The following ACCSL variants were observed in gnomAD, a reference collection of about 807,000 sequenced individuals.
ACCSL encodes 1-aminocyclopropane-1-carboxylate synthase homolog (inactive) like, also known as probable inactive 1-aminocyclopropane-1-carboxylate synthase-like protein 2.
A neutral mutation model predicts 61.7 loss-of-function variants in ACCSL; 55 were observed. That is an observed-to-expected ratio of 0.89 (90% CI 0.72 to 1.12). ACCSL has a LOEUF of 1.12. Among genes scored for constraint, ACCSL ranks in the 50% most tolerant of loss-of-function variants. ACCSL has a pLI of 0.00. For missense variants in ACCSL, 632 were observed against 698.0 expected (o/e 0.91, Z 1.07); for synonymous variants, 258 against 264.3 (o/e 0.98, Z 0.23).
the ACCSL span, among the ~76,000 whole-genome samples, chr11:43,992,009 T>C: frequency 0.26 from 39,215 of 150,708 alleles, 6,167 homozygotes; most frequent in South Asian, 0.36. Flanking sequence ...CCCATCTTTT[T>C]TTTTCTTTCT....
chr11:44,000,698 G>A, the ACCSL span, among the ~76,000 whole-genome samples: 1 of 146,388 alleles, frequency 6.8e-6, no homozygotes, highest in East Asian at 2.0e-4. Context: ...ACTCCAGCCT[G>A]TGTGATGGAG....
At chr11:44,030,137 C>CCT in the ACCSL span, among the ~76,000 whole-genome samples, 1 of 131,608 alleles carries the variant, frequency 7.6e-6, no homozygotes, top group Non-Finnish European at 1.5e-5. Flanking sequence ...TGGTGACCTG[C>CCT]CTCTCTCTTC....
the ACCSL span, chr11:43,943,326 G>T: frequency 2.1e-6 from 3 of 1,428,348 alleles, no homozygotes; most frequent in South Asian, 4.6e-5. This position sits in a 1 kb window ranked among gnomAD's most constrained non-coding sequence, Gnocchi z 4.8. Flanking sequence ...GCGGGGACCG[G>T]CGTGTGAACC....
chr11:43,995,496 G>A, the ACCSL span: 1 of 152,256 alleles, frequency 6.6e-6, no homozygotes, highest in East Asian at 1.9e-4. Context: ...GGCAAAGTGA[G>A]TGCAAATAGT....
At chr11:44,015,001 A>G in the ACCSL span, among the ~76,000 whole-genome samples, 1 of 152,206 alleles carries the variant, frequency 6.6e-6, no homozygotes, top group Non-Finnish European at 1.5e-5. Context: ...ATACACATGC[A>G]GGGGCACCCA....
chr11:44,036,475 C>G, the ACCSL span, among the ~76,000 whole-genome samples: 1 of 152,146 alleles, frequency 6.6e-6, no homozygotes, highest in African/African-American at 2.4e-5. Flanking sequence ...ACCCAGGGCC[C>G]AGTATTACAG....
chr11:44,030,446 C>T, the ACCSL span, among the ~76,000 whole-genome samples: 1 of 151,742 alleles, frequency 6.6e-6, no homozygotes, highest in Non-Finnish European at 1.5e-5. Context: ...CCGCCTGCTG[C>T]TTGGCTATTT....
At chr11:43,976,471 A>C in the ACCSL span, among the ~76,000 whole-genome samples, 7 of 152,322 alleles carry the variant, frequency 4.6e-5, no homozygotes, top group South Asian at 6.2e-4. Flanking sequence ...TCAAAGTCTA[A>C]GTATTTGTTA....
the ACCSL span, among the ~76,000 whole-genome samples, chr11:43,968,056 G>T: frequency 6.6e-6 from 1 of 152,128 alleles, no homozygotes; most frequent in Non-Finnish European, 1.5e-5. Context: ...ATTTGGCAAT[G>T]TCTGGAGACA....
the ACCSL span, among the ~76,000 whole-genome samples, chr11:44,029,994 AT>A: frequency 2.5e-5 from 2 of 78,598 alleles, no homozygotes; most frequent in African/African-American, 9.8e-5. Flanking sequence ...ATTTTATTTT[AT>A]TTTATTTTAT....
the ACCSL span, among the ~76,000 whole-genome samples, chr11:44,003,558 G>T: frequency 1.3e-5 from 2 of 151,398 alleles, no homozygotes; most frequent in Non-Finnish European, 2.9e-5. Context: ...CAGGTGAATC[G>T]CTTGAACCCA....
chr11:44,003,772 T>G, the ACCSL span, among the ~76,000 whole-genome samples: 1 of 152,234 alleles, frequency 6.6e-6, no homozygotes, highest in East Asian at 1.9e-4. Context: ...CTCTGACTTT[T>G]CGCACACTCT....
chr11:43,952,790 C>G, the ACCSL span, among the ~76,000 whole-genome samples: 989 of 152,302 alleles, frequency 6.5e-3, 11 homozygotes, highest in African/African-American at 0.022. Flanking sequence ...TTGTTTGCGG[C>G]CTGTCCTGCT....
Position 44,053,499 on chromosome 11 carries a change from G to T in ACCSL, c.1042G>T (p.Ala348Ser), listed in dbSNP as rs1316653004. ...CTCACTGATGAAATACCTGGAATTT[G>T]CCAAGAGGTATGAGTTCTACCCCTT... The part of the protein sequence containing the change: ...PDSLMKYLEF[A>S]KRYNLHVIID... Residue 348 changes from alanine (A) to serine (S), a missense_variant, in exon 8 of 14, where the codon GCC (alanine) becomes TCC (serine). Transcript: ENST00000378832. 1.9e-6 allele frequency: 3 copies of T among 1,613,684 alleles called. No homozygotes were observed. Among genetic ancestry groups the T allele is most frequent in the Non-Finnish European group, 2.5e-6 (3 of 1,179,730 alleles).
At chr11:44,001,819 GT>G in the ACCSL span, among the ~76,000 whole-genome samples, 31 of 128,600 alleles carry the variant, frequency 2.4e-4, 1 homozygote, top group African/African-American at 7.9e-4. Flanking sequence ...GTGTGTGTGT[GT>G]GTGTGTGTGT....
At chr11:44,030,519 C>T in the ACCSL span, among the ~76,000 whole-genome samples, 5 of 151,678 alleles carry the variant, frequency 3.3e-5, no homozygotes, top group South Asian at 2.1e-4. Flanking sequence ...CACAGGACTG[C>T]GTCCCTGTGG....
In ACCSL at chr11:44,048,009, T is replaced by C; in HGVS notation, c.-28T>C. 6.3e-7 allele frequency: 1 copy of C among 1,592,518 alleles called. No homozygotes were observed. Among genetic ancestry groups the C allele is most frequent in the Non-Finnish European group, 8.6e-7 (1 of 1,164,626 alleles). Reference sequence around the variant, plus strand: ...CTTTCTCCATAGGTGCCAGGCAGCCTTCAGAGGCCAGTAAAGATACCCGGA... The same window carrying C: ...CTTTCTCCATAGGTGCCAGGCAGCCCTCAGAGGCCAGTAAAGATACCCGGA... On this transcript the variant is annotated 5_prime_UTR_variant, in exon 1 of 14. Coordinates refer to ENST00000378832, the MANE Select transcript of ACCSL (RefSeq NM_001031854.2).
At chr11:43,936,548 G>A in the ACCSL span, among the ~76,000 whole-genome samples, 8 of 150,662 alleles carry the variant, frequency 5.3e-5, 1 homozygote, top group Non-Finnish European at 1.2e-4. Context: ...CTACACACTG[G>A]CACCCAGGGG....
the ACCSL span, among the ~76,000 whole-genome samples, chr11:44,027,747 A>G: frequency 1.3e-5 from 2 of 152,242 alleles, no homozygotes; most frequent in Non-Finnish European, 2.9e-5. Flanking sequence ...AAGGTAATAT[A>G]TAGATCATCA....
Sources: gnomAD v4.1 joint callset for allele counts (sites outside exome capture counted in the v4.1 genomes callset) on GRCh38, gnomAD v4.1.1 for gene constraint, Gnocchi (gnomAD v3.1) non-coding constraint, MANE v1.5 for transcripts, NCBI Gene and HGNC (gene_info 2026-07-23, HGNC 2026-07-21) for gene names.